DNAH7: variants seen among roughly 807,000 people sequenced by gnomAD.
The protein encoded by DNAH7 is axonemal beta dynein heavy chain 7.
A neutral mutation model predicts 444.6 loss-of-function variants in DNAH7; 397 were observed. That is an observed-to-expected ratio of 0.89 (90% CI 0.82 to 0.97). The LOEUF is 0.97. DNAH7 is among the 50% of genes least tolerant of loss of function. DNAH7 has a pLI of 0.00. For missense variants in DNAH7, 4,902 were observed against 4,800.8 expected (o/e 1.02, Z -0.62); for synonymous variants, 1,636 against 1,624.4 (o/e 1.01, Z -0.17).
chr2:195,975,879 AGAGCCCTTGGGCACTGAATAATCAG>A (rs1218013721), intron 15 of DNAH7, among the ~76,000 whole-genome samples: 2 of 152,294 alleles, frequency 1.3e-5, no homozygotes, highest in Middle Eastern at 6.8e-3. Context: ...TGCTGACTAA[AGAGCCCTTGGGCACTGAATAATCAG>A]GAGCAGTAGC....
rs377647312 is a variant in DNAH7 at position 195,767,123 on chromosome 2, G to A, written c.11433+4537C>T. 1.1e-4 allele frequency among the ~76,000 whole-genome samples: 17 copies of A among 151,958 alleles called. No homozygotes were observed. In the East Asian group the frequency reaches 3.3e-3, roughly 29 times the overall value. ...TGCATTCTCCAATTTTTGGCATGTT[G>A]ATATCTGTTCACTCTAATTTAACAG... On this transcript the variant is annotated intron_variant, in intron 61 of 64. Coordinates refer to ENST00000312428, the MANE Select transcript of DNAH7 (RefSeq NM_018897.3).
At chr2:195,881,660 C>T in intron 36 of DNAH7, 135 bp downstream of exon 36, 2 of 870,674 alleles carry the variant, frequency 2.3e-6, no homozygotes, top group South Asian at 2.2e-5. Flanking sequence ...AAATAAGTGG[C>T]AATTTTTCAA....
intron 40 of DNAH7, among the ~76,000 whole-genome samples, chr2:195,867,188 C>A (rs1199091909): frequency 6.6e-6 from 1 of 152,126 alleles, no homozygotes; most frequent in Non-Finnish European, 1.5e-5. Context: ...TAACCACCAC[C>A]AAGATCAAGA....
chr2:195,899,304 T>C (rs970371109), intron 28 of DNAH7, among the ~76,000 whole-genome samples: 15 of 152,232 alleles, frequency 9.9e-5, no homozygotes, highest in Non-Finnish European at 4.4e-5. Flanking sequence ...CTATATTAGC[T>C]TTGAAAAAGA....
At position 196,009,751 on chromosome 2, in the gene DNAH7, A is replaced by C. The variant is rs1017714403; in HGVS notation, c.989+3036T>G. On this transcript the variant is annotated intron_variant, in intron 10 of 64. Transcript: ENST00000312428. The stretch of plus-strand genomic sequence containing the variant: ...CTACAGAATGGGAAAAAATGTTTGC[A>C]AACTATTCATTGTACAAAGGATTAA... Among the ~76,000 whole-genome samples, 4 of 152,220 alleles carry C rather than the reference A, an allele frequency of 2.6e-5. No homozygotes were observed. In the East Asian group the frequency reaches 7.7e-4, roughly 29 times the overall value.
intron 54 of DNAH7, among the ~76,000 whole-genome samples, chr2:195,804,958 T>A (rs1178403231): frequency 6.6e-6 from 1 of 152,044 alleles, no homozygotes; most frequent in Admixed American, 6.6e-5. Context: ...TATAAAACCA[T>A]AAATTTAACC....
chr2:195,923,706 T>A lies in DNAH7; in HGVS notation c.3714A>T (p.Ala1238=). The A allele has an allele frequency of 1.2e-6, 2 of 1,614,138 alleles. No individual in the cohort carries two copies. The highest frequency in any genetic ancestry group is 1.6e-4 in the Middle Eastern group (1 of 6,062). ...LSMQNRVTLG[A]LVVLDVHARD... ...TAGCATGGACATCCAGTACCACAAG[T>A]GCTCCCAGAGTTACGCGATTCTGCA... Residue 1238 remains alanine, a synonymous_variant, in exon 23 of 65, where the codon GCA becomes GCT. Coordinates refer to ENST00000312428, the MANE Select transcript of DNAH7 (RefSeq NM_018897.3).
chr2:195,878,908 AAGG>A (rs1701209900), intron 36 of DNAH7, among the ~76,000 whole-genome samples: 1 of 152,160 alleles, frequency 6.6e-6, no homozygotes, highest in Non-Finnish European at 1.5e-5. Context: ...TGGGTAGGGG[AAGG>A]AGGTCAATGG....
In DNAH7 at chr2:195,974,755, TACACACACAC is replaced by T. The variant is rs58054572; in HGVS notation, c.1834-2299_1834-2290del. Among the ~76,000 whole-genome samples the T allele has an allele frequency of 0.022, 3,220 of 143,652 alleles. 232 individuals carry two copies. In the East Asian group the frequency reaches 0.26, roughly 12 times the overall value. The allele number at this position is 143,652 out of a possible 152,430, so 94.2% of individuals were successfully genotyped here. A position where few individuals can be genotyped will look rare whatever the true frequency, so the allele number is the denominator to read the frequency against. ...TATATATAGGCATGTATGTATATTT[TACACACACAC>T]ACACACACACACACACACACACACA... On this transcript the variant is annotated intron_variant, in intron 15 of 64. Coordinates refer to ENST00000312428, the MANE Select transcript of DNAH7 (RefSeq NM_018897.3).
At chr2:195,966,958 TATTA>T in intron 17 of DNAH7, among the ~76,000 whole-genome samples, 2 of 152,146 alleles carry the variant, frequency 1.3e-5, no homozygotes, top group African/African-American at 2.4e-5. Flanking sequence ...CATTCAATAT[TATTA>T]TTGATAAGTA....
chr2:195,971,851 T>C (rs1691866458), intron 16 of DNAH7, among the ~76,000 whole-genome samples: 1 of 152,098 alleles, frequency 6.6e-6, no homozygotes, highest in African/African-American at 2.4e-5. Flanking sequence ...TGAGCAATTA[T>C]GAGGTATGAA....
intron 36 of DNAH7, 139 bp from the exon 37 acceptor site, chr2:195,876,838 GAATAAC>G (rs1424041552): frequency 1.6e-6 from 1 of 624,352 alleles, no homozygotes; most frequent in African/African-American, 1.9e-5. Context: ...GAATCAGTAG[GAATAAC>G]AGTTACCATG....
chr2:195,786,287 T>A (rs934398464), intron 58 of DNAH7, among the ~76,000 whole-genome samples: 1 of 152,244 alleles, frequency 6.6e-6, no homozygotes, highest in Admixed American at 6.5e-5. Flanking sequence ...GATTTCAAAC[T>A]AAATTTGAAC....
At chr2:195,927,579 G>C (rs1453080836) in intron 21 of DNAH7, among the ~76,000 whole-genome samples, 1 of 151,660 alleles carries the variant, frequency 6.6e-6, no homozygotes, top group East Asian at 1.9e-4. Context: ...CAAGAAGATG[G>C]AGTAAAAATG....
intron 57 of DNAH7, among the ~76,000 whole-genome samples, chr2:195,789,166 G>T (rs868324668): frequency 2.6e-5 from 4 of 151,928 alleles, no homozygotes; most frequent in African/African-American, 9.7e-5. Flanking sequence ...CCAGATAATA[G>T]AATTTTTTTT....
chr2:195,807,059 A>G (rs1003098062), intron 53 of DNAH7, among the ~76,000 whole-genome samples: 1 of 152,220 alleles, frequency 6.6e-6, no homozygotes, highest in Non-Finnish European at 1.5e-5. Context: ...TAATGTCGAC[A>G]TGAACACTAA....
chr2:195,914,542 T>C (rs949056214), intron 24 of DNAH7, among the ~76,000 whole-genome samples: 1 of 152,124 alleles, frequency 6.6e-6, no homozygotes, highest in Non-Finnish European at 1.5e-5. Context: ...TTGGCCTTAA[T>C]TCTGAACCAC....
intron 22 of DNAH7, among the ~76,000 whole-genome samples, chr2:195,924,394 A>G (rs1688206396): frequency 6.6e-6 from 1 of 152,156 alleles, no homozygotes; most frequent in African/African-American, 2.4e-5. Context: ...GAGTTTTGAG[A>G]CCAGCCTGAC....
Position 196,024,489 on chromosome 2 carries a change from T to C in DNAH7, c.683A>G (p.Lys228Arg). ...VRKSIVDFVL[K>R]DPREKGDDKK... The stretch of plus-strand genomic sequence containing the variant: ...ATCATCTCCTTTCTCTCGAGGATCT[T>C]TTAAAACAAAATCAACTAAAAGAAA... The change falls in exon 8 of 65, where the codon AAA becomes AGA. Residue 228 changes from lysine (K) to arginine (R), a missense_variant. By Grantham distance (26) the Lys-to-Arg change is conservative. Transcript: ENST00000312428. 1 of 1,577,138 alleles carries C rather than the reference T, an allele frequency of 6.3e-7. No homozygotes were observed.
Sources: allele counts gnomAD v4.1 joint callset (sites outside exome capture counted in the v4.1 genomes callset), GRCh38; gene constraint gnomAD v4.1.1; transcripts MANE v1.5; gene names NCBI Gene and HGNC (gene_info 2026-07-23, HGNC 2026-07-21).